The following GRM8 variants were observed in gnomAD, a reference collection of about 807,000 sequenced individuals.
GRM8 encodes glutamate metabotropic receptor 8.
Under a neutral mutation model 87.2 loss-of-function variants are expected in GRM8, and 47 were observed. That is an observed-to-expected ratio of 0.54 (90% CI 0.43 to 0.69). The LOEUF is 0.69. GRM8 is among the 30% of genes least tolerant of loss of function. GRM8 has a pLI of 0.00. For synonymous variants in GRM8, 396 were observed against 404.5 expected (o/e 0.98, Z 0.25); for missense variants, 1,019 against 1,139.2 (o/e 0.89, Z 1.52).
chr7:126,658,407 T>C (rs1180624583), intron 7 of GRM8, among the ~76,000 whole-genome samples: 2 of 152,140 alleles, frequency 1.3e-5, no homozygotes, highest in Admixed American at 6.5e-5. Flanking sequence ...GAACTAGTGA[T>C]TGGAACCAAT....
intron 3 of GRM8, among the ~76,000 whole-genome samples, chr7:126,972,692 G>T (rs903156813): frequency 6.6e-6 from 1 of 152,126 alleles, no homozygotes; most frequent in African/African-American, 2.4e-5. Flanking sequence ...CGTATTTTGT[G>T]CTTTAAAAGA....
chr7:126,635,609 T>A (rs75089958), intron 7 of GRM8, among the ~76,000 whole-genome samples: 6 of 152,246 alleles, frequency 3.9e-5, no homozygotes, highest in East Asian at 3.9e-4. Context: ...AGTTTTTTTT[T>A]AATTTCTGTT....
intron 2 of GRM8, among the ~76,000 whole-genome samples, chr7:127,206,107 T>G (rs935291771): frequency 6.6e-6 from 1 of 152,202 alleles, no homozygotes; most frequent in Admixed American, 6.5e-5. Flanking sequence ...TATTTCCTAA[T>G]GAATGTATTT....
intron 7 of GRM8, among the ~76,000 whole-genome samples, chr7:126,716,525 G>T (rs926241943): frequency 6.6e-6 from 1 of 152,136 alleles, no homozygotes; most frequent in African/African-American, 2.4e-5. Context: ...GGTGCTGCTA[G>T]AACGTATGAC....
At chr7:126,536,600 G>A (rs1415137996) in intron 8 of GRM8, among the ~76,000 whole-genome samples, 1 of 151,910 alleles carries the variant, frequency 6.6e-6, no homozygotes, top group African/African-American at 2.4e-5. Context: ...AAGATTACAG[G>A]AAGAAAGAAA....
chr7:126,736,560 G>T (rs180983997), intron 7 of GRM8, among the ~76,000 whole-genome samples: 14 of 152,040 alleles, frequency 9.2e-5, no homozygotes, highest in Admixed American at 3.9e-4. Context: ...GGATGTTTTT[G>T]TGTCCCTCTC....
intron 6 of GRM8, among the ~76,000 whole-genome samples, chr7:126,849,322 A>G (rs1036916388): frequency 2.0e-5 from 3 of 152,330 alleles, no homozygotes; most frequent in African/African-American, 7.2e-5. Context: ...CTATACCTGA[A>G]AGCATGGGAT....
chr7:126,883,573 T>C (rs937525131), intron 6 of GRM8, among the ~76,000 whole-genome samples: 2 of 152,188 alleles, frequency 1.3e-5, no homozygotes, highest in African/African-American at 2.4e-5. Context: ...AAATAGCTAT[T>C]GTTTTATGTA....
At chr7:127,231,096 C>T (rs923170115) in intron 2 of GRM8, among the ~76,000 whole-genome samples, 1 of 152,142 alleles carries the variant, frequency 6.6e-6, no homozygotes, top group Non-Finnish European at 1.5e-5. Context: ...ACTACAATGT[C>T]GAACATGCGG....
At position 126,755,071 on chromosome 7, in the gene GRM8, C is replaced by G. The variant is rs185735552; in HGVS notation, c.1357+14794G>C. The stretch of plus-strand genomic sequence containing the variant: ...TTTGAAAGGTTCACATAGTGCAAAA[C>G]TGATGAAGCACATAACCCGTAAAGG... On this transcript the variant is annotated intron_variant, in intron 7 of 10. Coordinates refer to ENST00000339582, the MANE Select transcript of GRM8 (RefSeq NM_000845.3). Among the ~76,000 whole-genome samples the G allele has an allele frequency of 1.3e-3, 201 of 152,048 alleles. 1 individual carries two copies. Among genetic ancestry groups the G allele is most frequent in the African/African-American group, 4.7e-3 (195 of 41,556 alleles).
intron 3 of GRM8, among the ~76,000 whole-genome samples, chr7:127,028,720 T>C (rs1817057718): frequency 6.6e-6 from 1 of 152,128 alleles, no homozygotes; most frequent in Non-Finnish European, 1.5e-5. Flanking sequence ...TTGATCCTTC[T>C]TTCTTTTCTT....
intron 9 of GRM8, among the ~76,000 whole-genome samples, chr7:126,461,003 C>T (rs1347150836): frequency 1.3e-5 from 2 of 151,366 alleles, no homozygotes; most frequent in South Asian, 2.1e-4. Context: ...TGAAATATCC[C>T]TCTTTTTGAT....
At chr7:127,154,652 T>C (rs1029103248) in intron 2 of GRM8, among the ~76,000 whole-genome samples, 2 of 152,176 alleles carry the variant, frequency 1.3e-5, no homozygotes, top group African/African-American at 2.4e-5. Context: ...TGAGTTTTAC[T>C]GTTCATCTAC....
rs532553071 is a variant in GRM8 at position 126,457,291 on chromosome 7, C to T, written c.2431-10919G>A. 2.3e-3 allele frequency among the ~76,000 whole-genome samples: 341 copies of T among 150,932 alleles called. 2 individuals are homozygous for T. Among genetic ancestry groups the T allele is most frequent in the African/African-American group, 7.6e-3 (313 of 41,272 alleles). On this transcript the variant is annotated intron_variant, in intron 9 of 10. Coordinates refer to ENST00000339582, the MANE Select transcript of GRM8 (RefSeq NM_000845.3). ...TATTGGAGATATATAAAACATGATACAAAATTTGAATAAACATGAATCTTA... is the reference window on the plus strand; with the variant it reads ...TATTGGAGATATATAAAACATGATATAAAATTTGAATAAACATGAATCTTA...
intron 3 of GRM8, among the ~76,000 whole-genome samples, chr7:127,029,481 G>A (rs886677048): frequency 2.6e-5 from 4 of 152,084 alleles, no homozygotes; most frequent in African/African-American, 7.2e-5. Context: ...TCTCTTTGTA[G>A]GTCTCTAAGA....
At chr7:126,700,173 T>G (rs1809780521) in intron 7 of GRM8, among the ~76,000 whole-genome samples, 1 of 152,166 alleles carries the variant, frequency 6.6e-6, no homozygotes, top group Non-Finnish European at 1.5e-5. Context: ...TGTCTAAGAT[T>G]GGTATAGAAC....
chr7:126,643,955 T>C (rs1005551641), intron 7 of GRM8, among the ~76,000 whole-genome samples: 3 of 152,350 alleles, frequency 2.0e-5, no homozygotes, highest in Admixed American at 6.5e-5. Context: ...CTTTTGATCA[T>C]GATACAGAAG....
chr7:126,816,151 G>GA (rs1480066162), intron 6 of GRM8, among the ~76,000 whole-genome samples: 3 of 151,998 alleles, frequency 2.0e-5, no homozygotes, highest in African/African-American at 7.2e-5. Flanking sequence ...AGGGCCAAAA[G>GA]AAAAATCCAA....
chr7:126,973,787 A>C (rs1418732697), intron 3 of GRM8, among the ~76,000 whole-genome samples: 1 of 152,240 alleles, frequency 6.6e-6, no homozygotes, highest in Non-Finnish European at 1.5e-5. Context: ...GATTATTCTC[A>C]GTGAAATAAA....
Sources: gnomAD v4.1 joint callset for allele counts (sites outside exome capture counted in the v4.1 genomes callset) on GRCh38, gnomAD v4.1.1 for gene constraint, MANE v1.5 for transcripts, NCBI Gene and HGNC (gene_info 2026-07-23, HGNC 2026-07-21) for gene names.